The following ASTN2 variants were observed in gnomAD, a reference collection of about 807,000 sequenced individuals.
ASTN2 encodes astrotactin-2.
Under a neutral mutation model 139.8 loss-of-function variants are expected in ASTN2, and 54 were observed. That is an observed-to-expected ratio of 0.39 (90% CI 0.31 to 0.48). The LOEUF (loss-of-function observed/expected upper bound fraction) is 0.48, where lower values mean the gene tolerates loss of function less well. Among genes scored for constraint, ASTN2 ranks in the 20% least tolerant of loss-of-function variants. ASTN2 has a pLI of 0.95. For synonymous variants in ASTN2, 756 were observed against 719.5 expected (o/e 1.05, Z -0.81); for missense variants, 1,565 against 1,725.1 (o/e 0.91, Z 1.64).
chr9:117,296,803 G>A (rs1228850165), intron 1 of ASTN2, among the ~76,000 whole-genome samples: 5 of 152,168 alleles, frequency 3.3e-5, no homozygotes, highest in Non-Finnish European at 7.3e-5. Flanking sequence ...GAAACACAGG[G>A]ATTGCCTTTT....
intron 20 of ASTN2, among the ~76,000 whole-genome samples, chr9:116,482,068 T>G (rs1849186769): frequency 6.6e-6 from 1 of 152,240 alleles, no homozygotes; most frequent in South Asian, 2.1e-4. Flanking sequence ...GGCTCACGCC[T>G]GTAATCCCAG....
intron 1 of ASTN2, among the ~76,000 whole-genome samples, chr9:117,382,858 G>T (rs1038466922): frequency 6.6e-6 from 1 of 152,146 alleles, no homozygotes. Flanking sequence ...AAATGGCCAC[G>T]TGTGAACCAT....
chr9:117,365,541 A>G (rs761581411), intron 1 of ASTN2, among the ~76,000 whole-genome samples: 3 of 152,112 alleles, frequency 2.0e-5, no homozygotes, highest in Non-Finnish European at 4.4e-5. Context: ...GGAAAAAAGA[A>G]AGGGCTCTGG....
intron 2 of ASTN2, among the ~76,000 whole-genome samples, chr9:117,262,321 T>C (rs1166008285): frequency 5.3e-5 from 8 of 152,154 alleles, no homozygotes; most frequent in Non-Finnish European, 4.4e-5. Context: ...GAAAAACACT[T>C]TGTGGTTATT....
intron 10 of ASTN2, among the ~76,000 whole-genome samples, chr9:116,918,903 T>C (rs1195870736): frequency 6.6e-6 from 1 of 152,284 alleles, no homozygotes; most frequent in African/African-American, 2.4e-5. Context: ...ATATATATAT[T>C]TGAGATGTTT....
chr9:117,355,275 A>T (rs143149312), intron 1 of ASTN2, among the ~76,000 whole-genome samples: 1 of 152,222 alleles, frequency 6.6e-6, no homozygotes, highest in Non-Finnish European at 1.5e-5. Context: ...CAACTCCTTT[A>T]TGGTAAAAAT....
intron 13 of ASTN2, among the ~76,000 whole-genome samples, chr9:116,797,740 C>G (rs761064933): frequency 3.9e-5 from 6 of 152,140 alleles, no homozygotes; most frequent in Non-Finnish European, 8.8e-5. Flanking sequence ...GCACACAGAC[C>G]TGAGAGTGCA....
At chr9:116,873,772 TAGTG>T (rs1028087922) in intron 10 of ASTN2, among the ~76,000 whole-genome samples, 25 of 152,150 alleles carry the variant, frequency 1.6e-4, no homozygotes, top group African/African-American at 4.8e-4. Flanking sequence ...GTTCTCGTGA[TAGTG>T]AGTGAATTCT....
intron 3 of ASTN2, among the ~76,000 whole-genome samples, chr9:117,166,233 A>G (rs1830667515): frequency 6.6e-6 from 1 of 152,010 alleles, no homozygotes; most frequent in Non-Finnish European, 1.5e-5. Context: ...AAGAGACACA[A>G]AAAACAAATA....
At chr9:116,779,938 T>C (rs1814988863) in intron 13 of ASTN2, among the ~76,000 whole-genome samples, 1 of 152,252 alleles carries the variant, frequency 6.6e-6, no homozygotes, top group Non-Finnish European at 1.5e-5. Context: ...TACACACTTA[T>C]TATCTACATA....
At chr9:117,219,447 A>T (rs959873985) in intron 2 of ASTN2, among the ~76,000 whole-genome samples, 3 of 152,128 alleles carry the variant, frequency 2.0e-5, no homozygotes, top group Non-Finnish European at 4.4e-5. Context: ...GAATTTTTAG[A>T]AAGCAAGTTA....
intron 19 of ASTN2, among the ~76,000 whole-genome samples, chr9:116,513,886 T>C (rs574821575): frequency 1.3e-5 from 2 of 152,042 alleles, no homozygotes. Context: ...TTGGTTATTC[T>C]AGTTAGCCAT....
At chr9:117,282,613 T>TTTTCA (rs1446010000) in intron 2 of ASTN2, among the ~76,000 whole-genome samples, 8 of 149,706 alleles carry the variant, frequency 5.3e-5, no homozygotes, top group African/African-American at 2.1e-4. Flanking sequence ...CTTGGCCATG[T>TTTTCA]GATGTGCTTT....
intron 7 of ASTN2, among the ~76,000 whole-genome samples, chr9:116,994,424 C>G (rs759806932): frequency 2.1e-4 from 32 of 152,274 alleles, no homozygotes; most frequent in Non-Finnish European, 4.0e-4. Flanking sequence ...AGCACAGTGT[C>G]TAACACAGCA....
rs892565849 is a variant in ASTN2, at chr9:116,472,788, C to T, written c.3497+14571G>A. ...ATAGCCATGTTGGTGGTGGCGGCGG[C>T]GGAGGGGGCACACCTGTAATTCCAG... On this transcript the variant is annotated intron_variant, in intron 20 of 22. Transcript: ENST00000313400. Among the ~76,000 whole-genome samples the T allele has an allele frequency of 2.6e-5, 4 of 151,658 alleles. No individual in the cohort carries two copies. In the East Asian group the frequency reaches 5.8e-4, roughly 22 times the overall value.
intron 11 of ASTN2, among the ~76,000 whole-genome samples, chr9:116,848,292 T>C (rs1832500926): frequency 6.6e-6 from 1 of 152,180 alleles, no homozygotes; most frequent in African/African-American, 2.4e-5. Flanking sequence ...CTATTACTTC[T>C]CTGAGTAGCA....
At chr9:116,898,769 A>G (rs1268475911) in intron 10 of ASTN2, among the ~76,000 whole-genome samples, 1 of 152,212 alleles carries the variant, frequency 6.6e-6, no homozygotes, top group East Asian at 1.9e-4. Flanking sequence ...TCCCTGGCTC[A>G]AGCAATCCTC....
chr9:116,722,736 T>C (rs1828506742), intron 16 of ASTN2, among the ~76,000 whole-genome samples: 1 of 152,182 alleles, frequency 6.6e-6, no homozygotes, highest in Non-Finnish European at 1.5e-5. Flanking sequence ...CTCATGGTTG[T>C]TATCCATGCC....
intron 4 of ASTN2, among the ~76,000 whole-genome samples, chr9:117,123,717 A>C (rs926559024): frequency 2.0e-5 from 3 of 152,090 alleles, no homozygotes; most frequent in Non-Finnish European, 2.9e-5. Context: ...GAGGCAAGCA[A>C]AGCAAAGAGA....
Sources: gnomAD v4.1 joint callset for allele counts (sites outside exome capture counted in the v4.1 genomes callset) on GRCh38, gnomAD v4.1.1 for gene constraint, MANE v1.5 for transcripts, NCBI Gene and HGNC (gene_info 2026-07-23, HGNC 2026-07-21) for gene names.